Variants in TCEA3 observed in about 807,000 individuals in gnomAD.
The protein encoded by TCEA3 is transcription elongation factor A protein 3.
Under a neutral mutation model 44.0 loss-of-function variants are expected in TCEA3, and 36 were observed. The ratio of observed to expected loss-of-function variants is 0.82; its 90% confidence interval spans 0.63 to 1.08. The LOEUF (loss-of-function observed/expected upper bound fraction) is 1.08. TCEA3 is among the 50% of genes least tolerant of loss of function. TCEA3 has a pLI of 0.00. For missense variants in TCEA3, 392 were observed against 441.2 expected, an observed-to-expected ratio of 0.89 and a Z score of 1.00; for synonymous variants, 162 against 159.7, an observed-to-expected ratio of 1.01 and a Z score of -0.11.
intron 4 of TCEA3, among the ~76,000 whole-genome samples, chr1:23,414,070 G>T (rs937076801): frequency 6.7e-6 from 1 of 149,796 alleles, no homozygotes; most frequent in Admixed American, 6.7e-5. Flanking sequence ...GATAATAAAT[G>T]ATATTTTATT....
At chr1:23,406,309 C>T (rs1476872097) in intron 5 of TCEA3, among the ~76,000 whole-genome samples, 1 of 152,184 alleles carries the variant, frequency 6.6e-6, no homozygotes, top group African/African-American at 2.4e-5. Flanking sequence ...TTTCCAATGG[C>T]AATCTTACTG....
Position 23,419,149 on chromosome 1 carries a change from G to A in TCEA3, c.70-10C>T. ...GGTCCAGGGCCCCTTCCTGTGGGAG[G>A]CCACAAGGTGAGGACTGGGGCCTGG... On this transcript the variant is annotated splice_polypyrimidine_tract_variant and intron_variant, in intron 1 of 10. Coordinates refer to ENST00000450454, the MANE Select transcript of TCEA3 (RefSeq NM_003196.3). 6.3e-7 allele frequency: 1 copy of A among 1,586,742 alleles called. No homozygotes were observed. The highest frequency in any genetic ancestry group is 8.6e-7 in the Non-Finnish European group (1 of 1,165,968).
intron 5 of TCEA3, among the ~76,000 whole-genome samples, chr1:23,399,176 A>ATATATATATC (rs1392964847): frequency 2.1e-5 from 3 of 141,914 alleles, no homozygotes; most frequent in Non-Finnish European, 3.1e-5. Context: ...ATATATATAT[A>ATATATATATC]TATCCATATG....
intron 1 of TCEA3, among the ~76,000 whole-genome samples, chr1:23,419,619 T>A (rs1639999207): frequency 6.6e-6 from 1 of 152,142 alleles, no homozygotes; most frequent in Non-Finnish European, 1.5e-5. Flanking sequence ...GGCGGGTCAC[T>A]TGAGGCCAGG....
At position 23,417,230 on chromosome 1, in the gene TCEA3, C is replaced by T. The variant is rs1358649873; in HGVS notation, c.380+19G>A. ...GTGACAAGTGTCAGCTCCCTTCTCT[C>T]CATCCCAAAAAAGAATACCTGGTTT... On this transcript the variant is annotated intron_variant, in intron 4 of 10. Transcript: ENST00000450454. The T allele has an allele frequency of 6.2e-7, 1 of 1,611,336 alleles. No individual in the cohort carries two copies. Among genetic ancestry groups the T allele is most frequent in the Non-Finnish European group, 8.5e-7 (1 of 1,179,176 alleles).
chr1:23,401,810 G>C (rs1304683820), intron 5 of TCEA3, among the ~76,000 whole-genome samples: 1 of 152,246 alleles, frequency 6.6e-6, no homozygotes, highest in Middle Eastern at 3.4e-3. Context: ...GGCCTGTTAG[G>C]AACCGGGCCA....
chr1:23,424,489 C>A, intron 1 of TCEA3, 76 bp downstream of exon 1: 1 of 1,384,908 alleles, frequency 7.2e-7, no homozygotes. Flanking sequence ...CCCGCCAGTA[C>A]GTCCCCACCC....
intron 10 of TCEA3, 38 bp downstream of exon 10, chr1:23,384,308 G>A: frequency 6.2e-7 from 1 of 1,613,628 alleles, no homozygotes; most frequent in African/African-American, 1.3e-5. Context: ...CGAGGTATGT[G>A]GATAACAGGG....
intron 10 of TCEA3, among the ~76,000 whole-genome samples, chr1:23,383,209 G>A (rs1246244924): frequency 1.3e-5 from 2 of 151,692 alleles, no homozygotes; most frequent in Non-Finnish European, 2.9e-5. Context: ...GAACCTGGGG[G>A]GTGGAGCTTG....
chr1:23,408,035 C>T (rs975385489), intron 5 of TCEA3, among the ~76,000 whole-genome samples: 7 of 152,060 alleles, frequency 4.6e-5, no homozygotes, highest in Non-Finnish European at 8.8e-5. Context: ...GATCTCGGCT[C>T]ACTGCAACCT....
intron 4 of TCEA3, among the ~76,000 whole-genome samples, chr1:23,413,878 T>G (rs1489043556): frequency 6.6e-6 from 1 of 151,702 alleles, no homozygotes; most frequent in Non-Finnish European, 1.5e-5. Flanking sequence ...TTTATGTACA[T>G]GAAAAGGTTA....
At chr1:23,397,484 C>A (rs1439755135) in intron 7 of TCEA3, 61 bp downstream of exon 7, 2 of 1,537,870 alleles carry the variant, frequency 1.3e-6, no homozygotes, top group Middle Eastern at 2.0e-4. Flanking sequence ...CTCGCTTGCA[C>A]CTTGGATGGG....
At chr1:23,396,942 T>C (rs1050202349) in intron 7 of TCEA3, among the ~76,000 whole-genome samples, 5 of 149,242 alleles carry the variant, frequency 3.4e-5, no homozygotes, top group African/African-American at 1.2e-4. Flanking sequence ...AAGTTGTAGG[T>C]TGCAGTGAGG....
intron 8 of TCEA3, among the ~76,000 whole-genome samples, chr1:23,389,522 T>TGG (rs1638958682): frequency 6.8e-6 from 1 of 147,986 alleles, no homozygotes; most frequent in South Asian, 2.1e-4. Flanking sequence ...TGGTGGTGCA[T>TGG]GCCTGTAATC....
intron 1 of TCEA3, 36 bp downstream of exon 1, chr1:23,424,529 G>A (rs914938012): frequency 1.3e-6 from 2 of 1,584,846 alleles, no homozygotes; most frequent in Admixed American, 1.7e-5. Flanking sequence ...GCGCCTCCCG[G>A]GGGCGGGGGC....
chr1:23,406,912 G>A (rs1257264810), intron 5 of TCEA3, among the ~76,000 whole-genome samples: 2 of 152,136 alleles, frequency 1.3e-5, no homozygotes, highest in East Asian at 1.9e-4. Context: ...ATGAGCCACC[G>A]CACCTGGCCT....
intron 5 of TCEA3, among the ~76,000 whole-genome samples, chr1:23,407,309 A>T (rs946876044): frequency 2.6e-5 from 4 of 152,104 alleles, no homozygotes; most frequent in African/African-American, 9.7e-5. Flanking sequence ...ATCTTGCCTG[A>T]ATTACCGCAA....
chr1:23,408,929 A>C (rs900533564), intron 4 of TCEA3, among the ~76,000 whole-genome samples: 1 of 152,288 alleles, frequency 6.6e-6, no homozygotes, highest in African/African-American at 2.4e-5. Flanking sequence ...GTGAACCAAT[A>C]CAAGGGAAGG....
At chr1:23,402,218 T>C (rs1159515414) in intron 5 of TCEA3, among the ~76,000 whole-genome samples, 1 of 152,180 alleles carries the variant, frequency 6.6e-6, no homozygotes, top group African/African-American at 2.4e-5. Flanking sequence ...CGCATGCCTG[T>C]AATCCCAGCT....
Sources: gnomAD v4.1 joint callset for allele counts (sites outside exome capture counted in the v4.1 genomes callset) on GRCh38, gnomAD v4.1.1 for gene constraint, MANE v1.5 for transcripts, NCBI Gene and HGNC (gene_info 2026-07-23, HGNC 2026-07-21) for gene names.